PRKAR1B: variants seen among roughly 807,000 people sequenced by gnomAD.
PRKAR1B encodes cAMP-dependent protein kinase type I-beta regulatory subunit.
A neutral mutation model predicts 46.5 loss-of-function variants in PRKAR1B; 22 were observed. That is an observed-to-expected ratio of 0.47 (90% CI 0.34 to 0.68). The LOEUF (loss-of-function observed/expected upper bound fraction) is 0.68, where lower values mean the gene tolerates loss of function less well. PRKAR1B is among the 30% of genes least tolerant of loss of function. PRKAR1B has a pLI of 0.01. For missense variants in PRKAR1B, 445 were observed against 535.6 expected, an observed-to-expected ratio of 0.83 and a Z score of 1.67; for synonymous variants, 259 against 217.7, an observed-to-expected ratio of 1.19 and a Z score of -1.67.
At chr7:597,588 G>A (rs866098989) in intron 6 of PRKAR1B, among the ~76,000 whole-genome samples, 2 of 152,228 alleles carry the variant, frequency 1.3e-5, no homozygotes, top group East Asian at 1.9e-4. Flanking sequence ...ACCCACCCGC[G>A]CGTGCAGGGA....
chr7:654,495 C>G (rs114396488), intron 4 of PRKAR1B, among the ~76,000 whole-genome samples: 5,205 of 151,606 alleles, frequency 0.034, 118 homozygotes, highest in African/African-American at 0.057. Context: ...CATCCCCTCA[C>G]TATCACCATC....
At chr7:638,287 C>A (rs1381552356) in intron 4 of PRKAR1B, among the ~76,000 whole-genome samples, 1 of 152,220 alleles carries the variant, frequency 6.6e-6, no homozygotes, top group Non-Finnish European at 1.5e-5. Flanking sequence ...AATTGCTTTT[C>A]CCCTAAACAG....
rs558405105 is a variant in PRKAR1B, at chr7:573,777, G to A, written c.891+5479C>T. ...AAGTTGTGCTCGCAAGACTGGGATC[G>A]CGGAGTCGGGCACACCCATGGTGGA... On this transcript the variant is annotated intron_variant, in intron 9 of 10. Coordinates refer to ENST00000537384, the MANE Select transcript of PRKAR1B (RefSeq NM_001164760.2). Among the ~76,000 whole-genome samples the A allele has an allele frequency of 3.9e-5, 6 of 152,348 alleles. No homozygotes were observed. In the East Asian group the frequency reaches 9.7e-4, roughly 25 times the overall value.
At chr7:611,234 C>A (rs1782465356) in intron 4 of PRKAR1B, among the ~76,000 whole-genome samples, 1 of 152,258 alleles carries the variant, frequency 6.6e-6, no homozygotes, top group South Asian at 2.1e-4. Context: ...CTCCTCCGAG[C>A]AGAGCATGTG....
intron 9 of PRKAR1B, among the ~76,000 whole-genome samples, chr7:563,418 C>T (rs1778928812): frequency 6.6e-6 from 1 of 152,274 alleles, no homozygotes; most frequent in Non-Finnish European, 1.5e-5. Context: ...CCAGGCTGTG[C>T]ACTGTCCACT....
intron 6 of PRKAR1B, among the ~76,000 whole-genome samples, chr7:599,961 C>T (rs1014002295): frequency 1.1e-4 from 15 of 133,540 alleles, no homozygotes; most frequent in Admixed American, 4.5e-4. Context: ...GGGAGGCGCA[C>T]GGGCAGGCCC....
chr7:570,218 C>T (rs1779417483), intron 9 of PRKAR1B, among the ~76,000 whole-genome samples: 1 of 152,222 alleles, frequency 6.6e-6, no homozygotes, highest in African/African-American at 2.4e-5. Context: ...TACTCCTAGG[C>T]CTCCGGAAGG....
At chr7:677,067 C>T (rs751496410) in intron 4 of PRKAR1B, among the ~76,000 whole-genome samples, 162 bp downstream of exon 4, 9 of 151,778 alleles carry the variant, frequency 5.9e-5, no homozygotes, top group Non-Finnish European at 1.3e-4. Context: ...TCCCGGAGGC[C>T]GGAGAAGGCA....
intron 4 of PRKAR1B, among the ~76,000 whole-genome samples, chr7:614,795 C>G (rs1193745930): frequency 1.3e-5 from 2 of 152,118 alleles, no homozygotes; most frequent in Non-Finnish European, 2.9e-5. Flanking sequence ...ACCTGTAATC[C>G]CAGCTACTTG....
At chr7:605,357 G>A (rs901376507) in intron 6 of PRKAR1B, among the ~76,000 whole-genome samples, 5 of 152,206 alleles carry the variant, frequency 3.3e-5, no homozygotes, top group African/African-American at 4.8e-5. Flanking sequence ...TGCGGGGGGC[G>A]GCCTGCAGAA....
In PRKAR1B at chr7:561,449, C is replaced by T. The variant is rs572618844; in HGVS notation, c.892-9979G>A. Among the ~76,000 whole-genome samples the T allele has an allele frequency of 1.3e-5, 2 of 152,234 alleles. 1 individual carries two copies. The highest frequency in any genetic ancestry group is 2.9e-5 in the Non-Finnish European group (2 of 68,042). ...ACATGGAAGGCAATTTCACCTGAAGCTCCCTTCCACCCAAATCCCTTCCTG... is the reference window on the plus strand; with the variant it reads ...ACATGGAAGGCAATTTCACCTGAAGTTCCCTTCCACCCAAATCCCTTCCTG... On this transcript the variant is annotated intron_variant, in intron 9 of 10. Transcript: ENST00000537384.
chr7:712,111 A>C (rs1392964966), intron 1 of PRKAR1B, among the ~76,000 whole-genome samples: 7 of 151,298 alleles, frequency 4.6e-5, no homozygotes, highest in African/African-American at 1.7e-4. Context: ...CAGCGAAGTC[A>C]CCATGGCCAG....
chr7:607,763 AGTAACAATAGATT>A (rs1393854489), intron 4 of PRKAR1B: 2 of 289,578 alleles, frequency 6.9e-6, no homozygotes, highest in Non-Finnish European at 1.3e-5. Flanking sequence ...GAAAAACAAA[AGTAACAATAGATT>A]GTGAACATTC....
chr7:665,925 G>A (rs745548262), intron 4 of PRKAR1B, among the ~76,000 whole-genome samples: 32 of 152,218 alleles, frequency 2.1e-4, no homozygotes, highest in Non-Finnish European at 3.5e-4. Flanking sequence ...GCAGGCCAGC[G>A]GTGCTGCTCA....
Position 644,892 on chromosome 7 carries a change from C to T in PRKAR1B, c.440+32337G>A, listed in dbSNP as rs1010130937. Among the ~76,000 whole-genome samples, 1 of 152,128 alleles carries T rather than the reference C, an allele frequency of 6.6e-6. No homozygotes were observed. Among genetic ancestry groups the T allele is most frequent in the Non-Finnish European group, 1.5e-5 (1 of 68,020 alleles). ...CTGAGTCCTGGGCCTGCTCAGAGGC[C>T]GCCCAGGCCACCCCGTCTCACGATG... On this transcript the variant is annotated intron_variant, in intron 4 of 10. Coordinates refer to ENST00000537384, the MANE Select transcript of PRKAR1B (RefSeq NM_001164760.2). This position sits in a 1 kb window ranked among gnomAD's most constrained non-coding sequence, Gnocchi z 4.9.
intron 8 of PRKAR1B, among the ~76,000 whole-genome samples, chr7:579,628 G>A (rs1286987944): frequency 5.9e-5 from 9 of 152,242 alleles, no homozygotes; most frequent in Non-Finnish European, 1.3e-4. Flanking sequence ...CACCAGTTGC[G>A]GAGGGAGCTA....
chr7:562,486 A>C lies in PRKAR1B; in HGVS notation c.892-11016T>G, dbSNP rs1778864056. On this transcript the variant is annotated intron_variant, in intron 9 of 10. Coordinates refer to ENST00000537384, the MANE Select transcript of PRKAR1B (RefSeq NM_001164760.2). ...CCTCCCTCGGCCTCACCTCCCAACC[A>C]GGGGTCACCAGCACTGAGGATTCTG... 2.0e-5 allele frequency among the ~76,000 whole-genome samples: 3 copies of C among 152,264 alleles called. No individual in the cohort carries two copies. In the South Asian group the frequency reaches 6.2e-4, roughly 32 times the overall value.
intron 4 of PRKAR1B, among the ~76,000 whole-genome samples, chr7:621,668 G>A (rs1197336344): frequency 6.6e-6 from 1 of 152,248 alleles, no homozygotes; most frequent in East Asian, 1.9e-4. Context: ...CACAGCAGGT[G>A]GGGTCATCCC....
chr7:592,160 C>G (rs1261120690), intron 7 of PRKAR1B, among the ~76,000 whole-genome samples: 1 of 152,164 alleles, frequency 6.6e-6, no homozygotes, highest in East Asian at 1.9e-4. Context: ...ACTGTGTGAC[C>G]CTCAGCACAT....
Sources: gnomAD v4.1 joint callset for allele counts (sites outside exome capture counted in the v4.1 genomes callset) on GRCh38, gnomAD v4.1.1 for gene constraint, Gnocchi (gnomAD v3.1) non-coding constraint, MANE v1.5 for transcripts, NCBI Gene and HGNC (gene_info 2026-07-23, HGNC 2026-07-21) for gene names.